RNF212B: variants seen among roughly 807,000 people sequenced by gnomAD.
RNF212B encodes the protein E3 ubiquitin-protein ligase RNF212B.
Under a neutral mutation model 55.5 loss-of-function variants are expected in RNF212B, and 52 were observed. That is an observed-to-expected ratio of 0.94 (90% confidence interval 0.75 to 1.18). The LOEUF (loss-of-function observed/expected upper bound fraction) is 1.18, where lower values mean the gene tolerates loss of function less well. Among genes scored for constraint, RNF212B ranks in the 50% most tolerant of loss-of-function variants. The pLI, the probability that RNF212B is intolerant of heterozygous loss-of-function variation, is 0.00. For synonymous variants in RNF212B, 99 were observed against 121.4 expected, an observed-to-expected ratio of 0.82 and a Z score of 1.21; for missense variants, 289 against 350.4, an observed-to-expected ratio of 0.82 and a Z score of 1.40.
chr14:23,235,200 A>G (rs1161389223), upstream of RNF212B, among the ~76,000 whole-genome samples: 2 of 140,988 alleles, frequency 1.4e-5, no homozygotes, highest in Non-Finnish European at 3.1e-5. Flanking sequence ...TGACAGAGCA[A>G]TACTCTGTCT....
Position 23,273,021 on chromosome 14 carries a change from C to T in RNF212B, c.*130C>T. 1 of 565,050 alleles carries T rather than the reference C, an allele frequency of 1.8e-6. No homozygotes were observed. Among genetic ancestry groups the T allele is most frequent in the Non-Finnish European group, 3.1e-6 (1 of 324,518 alleles). 35.0% of individuals were successfully genotyped at this position (565,050 alleles called of 1,614,324 possible). ...CTAGTTTCACTCTGTACCTTATGCTCCCCCCATCTTTACCCTATTCACCCT... is the reference window on the plus strand; with the variant it reads ...CTAGTTTCACTCTGTACCTTATGCTTCCCCCATCTTTACCCTATTCACCCT... On this transcript the variant is annotated 3_prime_UTR_variant, in exon 15 of 15. Coordinates refer to ENST00000430154, the MANE Select transcript of RNF212B (RefSeq NM_001282322.3).
intron 1 of RNF212B, among the ~76,000 whole-genome samples, chr14:23,190,096 C>T (rs978871186): frequency 3.9e-5 from 6 of 152,136 alleles, no homozygotes; most frequent in Non-Finnish European, 7.4e-5. Flanking sequence ...CACCCACTCT[C>T]CTGGCTTCCC....
At chr14:23,193,091 TA>T (rs3045528) in intron 1 of RNF212B, among the ~76,000 whole-genome samples, 3,509 of 112,452 alleles carry the variant, frequency 0.031, 29 homozygotes, top group Non-Finnish European at 0.041. Context: ...AAACTCTGTC[TA>T]AAAAAAAAAA....
At chr14:23,272,087 A>G (rs1886131197) in intron 14 of RNF212B, among the ~76,000 whole-genome samples, 1 of 152,150 alleles carries the variant, frequency 6.6e-6, no homozygotes, top group Non-Finnish European at 1.5e-5. Flanking sequence ...AAGATGGACA[A>G]TGGGCACATG....
chr14:23,222,553 C>T (rs372269233), intron 2 of RNF212B, among the ~76,000 whole-genome samples: 11 of 152,198 alleles, frequency 7.2e-5, no homozygotes, highest in African/African-American at 2.6e-4. Flanking sequence ...TTCTACCAAA[C>T]ATTTAAAGAA....
intron 2 of RNF212B, among the ~76,000 whole-genome samples, chr14:23,197,840 C>T (rs1169048183): frequency 1.3e-5 from 2 of 150,620 alleles, no homozygotes; most frequent in African/African-American, 4.9e-5. Flanking sequence ...GGGCTGAGTC[C>T]AAAAAGAGAG....
intron 9 of RNF212B, among the ~76,000 whole-genome samples, chr14:23,263,281 A>G (rs1434293326): frequency 6.6e-6 from 1 of 152,248 alleles, no homozygotes; most frequent in Non-Finnish European, 1.5e-5. Context: ...GAACAGGGAA[A>G]GTTGAGAGTG....
chr14:23,238,780 A>AATAATCATCATCATCATC lies in RNF212B; in HGVS notation c.-2+727_-2+728insAATCATCATCATCATCAT, dbSNP rs1343117592. ...TAATAATAATAATAATAATAATAAT[A>AATAATCATCATCATCATC]ATCCCACAAAGAAACCTTACAAAGT... is the stretch of plus-strand genomic sequence containing the variant. On this transcript the variant is annotated intron_variant, in intron 1 of 14. Coordinates refer to ENST00000430154, the MANE Select transcript of RNF212B (RefSeq NM_001282322.3). Among the ~76,000 whole-genome samples, 208 of 145,672 alleles carry AATAATCATCATCATCATC rather than the reference A, an allele frequency of 1.4e-3. 2 individuals are homozygous for AATAATCATCATCATCATC. Among genetic ancestry groups the AATAATCATCATCATCATC allele is most frequent in the Middle Eastern group, 3.6e-3 (1 of 280 alleles).
intron 4 of RNF212B, among the ~76,000 whole-genome samples, chr14:23,257,271 C>A (rs1275564630): frequency 6.6e-6 from 1 of 152,188 alleles, no homozygotes; most frequent in East Asian, 1.9e-4. Flanking sequence ...CCTGCCTCAG[C>A]CTTGGCTTCC....
intron 2 of RNF212B, among the ~76,000 whole-genome samples, chr14:23,221,886 A>G (rs912285046): frequency 6.6e-6 from 1 of 152,224 alleles, no homozygotes; most frequent in African/African-American, 2.4e-5. Flanking sequence ...CTTCTGAATG[A>G]ACAGTGGGCC....
intron 2 of RNF212B, among the ~76,000 whole-genome samples, chr14:23,224,664 T>G (rs1566409054): frequency 6.6e-6 from 1 of 152,138 alleles, no homozygotes; most frequent in Non-Finnish European, 1.5e-5. Context: ...AAGAAAACAT[T>G]GGGGAAACTT....
intron 6 of RNF212B, 110 bp downstream of exon 6, chr14:23,260,054 C>A: frequency 1.8e-6 from 1 of 560,364 alleles, no homozygotes; most frequent in Non-Finnish European, 3.1e-6. Context: ...ATGGCACACA[C>A]AGAAATTGAT....
rs536498638 is a variant in RNF212B at position 23,232,227 on chromosome 14, G to A, written c.-1-8118G>A. 4.4e-3 allele frequency among the ~76,000 whole-genome samples: 673 copies of A among 151,426 alleles called. 3 individuals are homozygous for A. Among genetic ancestry groups the A allele is most frequent in the African/African-American group, 0.015 (621 of 41,248 alleles). On this transcript the variant is annotated intron_variant, in intron 2 of 15. Transcript: ENST00000399910. ...GTCTCTGCCCGGCTGCCCATCGTCT[G>A]AGATGTGGGGAGCGCCTCTGCCCCG...
chr14:23,232,244 T>C (rs1422869155), intron 2 of RNF212B, among the ~76,000 whole-genome samples: 2 of 144,970 alleles, frequency 1.4e-5, no homozygotes, highest in Non-Finnish European at 3.0e-5. Context: ...GGGGAGCGCC[T>C]CTGCCCCGCC....
At position 23,270,643 on chromosome 14, in the gene RNF212B, C is replaced by G. The variant is rs1034519190; in HGVS notation, c.816C>G (p.Phe272Leu). Residue 272 changes from phenylalanine to leucine, a missense_variant, in exon 14 of 15, where the codon TTC (phenylalanine) becomes TTG (leucine). Phe to Leu is a conservative substitution (Grantham distance 22). Transcript: ENST00000430154. ...CTACACTAGAGAGTCTTCCTAGTTT[C>G]CAGCTACCAGTCCTGCAGGTGAGAC... ...STTTLESLPS[F>L]QLPVLQTLYQ... 6.5e-7 allele frequency: 1 copy of G among 1,550,048 alleles called. No individual in the cohort carries two copies. Among genetic ancestry groups the G allele is most frequent in the Non-Finnish European group, 8.7e-7 (1 of 1,146,272 alleles).
intron 4 of RNF212B, among the ~76,000 whole-genome samples, chr14:23,256,816 A>T (rs1884867896): frequency 6.6e-6 from 1 of 152,186 alleles, no homozygotes; most frequent in African/African-American, 2.4e-5. Flanking sequence ...CCTTTCAGGT[A>T]GTTGAGATTA....
intron 2 of RNF212B, among the ~76,000 whole-genome samples, chr14:23,211,983 C>T (rs1371056993): frequency 1.3e-5 from 2 of 152,220 alleles, no homozygotes; most frequent in African/African-American, 4.8e-5. Context: ...CCTCCTCAGC[C>T]TCCCAAAGTG....
chr14:23,247,405 C>T (rs967364252), intron 4 of RNF212B, among the ~76,000 whole-genome samples: 3 of 152,108 alleles, frequency 2.0e-5, no homozygotes, highest in African/African-American at 7.2e-5. Context: ...CAGGCACTTC[C>T]CAAACCCTTC....
At chr14:23,269,169 T>C (rs766641187) in intron 12 of RNF212B, among the ~76,000 whole-genome samples, 1 of 152,136 alleles carries the variant, frequency 6.6e-6, no homozygotes, top group South Asian at 2.1e-4. Context: ...CCGGGAGCGG[T>C]GTCACGTGCC....
Sources: gnomAD v4.1 joint callset for allele counts (sites outside exome capture counted in the v4.1 genomes callset) on GRCh38, gnomAD v4.1.1 for gene constraint, MANE v1.5 for transcripts, NCBI Gene and HGNC (gene_info 2026-07-23, HGNC 2026-07-21) for gene names.